ARV1: variants seen among roughly 807,000 people sequenced by gnomAD.
The protein encoded by ARV1 is protein ARV1.
Under a neutral mutation model 31.1 loss-of-function variants are expected in ARV1, and 26 were observed. The observed-to-expected ratio is 0.84, with a 90% confidence interval of 0.61 to 1.16. The LOEUF is 1.16. Among genes scored for constraint, ARV1 ranks in the 50% most tolerant of loss-of-function variants. ARV1 has a pLI of 0.00. For synonymous variants in ARV1, 117 were observed against 123.2 expected (o/e 0.95, Z 0.34); for missense variants, 281 against 324.9 (o/e 0.86, Z 1.04).
At chr1:230,985,499 G>A (rs775275461) in intron 1 of ARV1, among the ~76,000 whole-genome samples, 3 of 152,190 alleles carry the variant, frequency 2.0e-5, no homozygotes, top group Non-Finnish European at 2.9e-5. Flanking sequence ...TGTTATACAT[G>A]TAATAGCCAC....
intron 4 of ARV1, among the ~76,000 whole-genome samples, chr1:230,996,805 C>A (rs1284611440): frequency 2.6e-5 from 4 of 152,170 alleles, no homozygotes; most frequent in Admixed American, 2.6e-4. Flanking sequence ...CAAACTGTGA[C>A]ACTGAAAGTA....
chr1:230,996,046 T>C, intron 4 of ARV1, 62 bp downstream of exon 4: 1 of 1,411,758 alleles, frequency 7.1e-7, no homozygotes, highest in Non-Finnish European at 9.8e-7. Context: ...TAAAGCCTTG[T>C]TTCTGGGGTG....
chr1:230,984,364 G>GCGTGCA (rs1491294415), intron 1 of ARV1, among the ~76,000 whole-genome samples: 5 of 36,330 alleles, frequency 1.4e-4, no homozygotes, highest in Admixed American at 2.6e-4. Flanking sequence ...GTGTGTGTGC[G>GCGTGCA]TGTGTGTGTG....
At chr1:230,996,466 A>C (rs149651234) in intron 4 of ARV1, among the ~76,000 whole-genome samples, 3 of 151,968 alleles carry the variant, frequency 2.0e-5, no homozygotes, top group Non-Finnish European at 4.4e-5. Context: ...TATTTTTTTG[A>C]GATAGGGTGT....
At chr1:230,997,879 C>T (rs376351370) in intron 5 of ARV1, among the ~76,000 whole-genome samples, 3 of 152,304 alleles carry the variant, frequency 2.0e-5, no homozygotes, top group Admixed American at 2.0e-4. Context: ...CACAGAACCT[C>T]AGAAGATGTC....
intron 4 of ARV1, among the ~76,000 whole-genome samples, chr1:230,996,733 C>T (rs1211056322): frequency 6.6e-6 from 1 of 152,078 alleles, no homozygotes; most frequent in African/African-American, 2.4e-5. Flanking sequence ...TGTGCCTGGC[C>T]GAAGTCCTAT....
At chr1:230,984,512 G>C (rs542448552) in intron 1 of ARV1, among the ~76,000 whole-genome samples, 1 of 151,948 alleles carries the variant, frequency 6.6e-6, no homozygotes, top group East Asian at 1.9e-4. Flanking sequence ...GTGTAAACTT[G>C]TTGTGCCCAG....
chr1:230,992,327 G>C (rs1019439454), intron 3 of ARV1, among the ~76,000 whole-genome samples: 2 of 151,954 alleles, frequency 1.3e-5, no homozygotes, highest in Non-Finnish European at 2.9e-5. Flanking sequence ...GGCTCTTCCT[G>C]TGCCCGGAAT....
chr1:230,988,278 G>C, intron 1 of ARV1, 42 bp from the exon 2 acceptor site: 1 of 1,550,436 alleles, frequency 6.4e-7, no homozygotes. Flanking sequence ...ATTTCAGAAA[G>C]TATACATTTG....
At chr1:230,988,262 T>G in intron 1 of ARV1, 58 bp from the exon 2 acceptor site, 1 of 1,499,014 alleles carries the variant, frequency 6.7e-7, no homozygotes, top group South Asian at 1.2e-5. Flanking sequence ...TTTGAAATCC[T>G]TGAGGATTTC....
intron 3 of ARV1, chr1:230,990,664 C>T: frequency 2.8e-6 from 1 of 356,054 alleles, no homozygotes; most frequent in South Asian, 2.1e-5. Context: ...AAGCAATCCT[C>T]CTGCCTCGGC....
chr1:230,979,191 C>T lies in ARV1; in HGVS notation c.86C>T (p.Ser29Phe). The part of the protein sequence containing the change: ...VAATPTAASA[S>F]CQYRCIECNQ... ...GCGACTCCTACTGCTGCCTCGGCCT[C>T]CTGCCAGTACAGGTGCATCGAATGC... Residue 29 changes from serine (S) to phenylalanine (F), a missense_variant, in exon 1 of 6, where the codon TCC becomes TTC. By Grantham distance (155) the Ser-to-Phe change is radical (BLOSUM62 -2). Coordinates refer to ENST00000310256, the MANE Select transcript of ARV1 (RefSeq NM_022786.3). 3.1e-6 allele frequency: 5 copies of T among 1,613,312 alleles called. No individual in the cohort carries two copies. The highest frequency in any genetic ancestry group is 1.1e-5 in the South Asian group (1 of 90,952).
chr1:230,995,723 G>A (rs1679341434), intron 3 of ARV1, 37 bp from the exon 4 acceptor site: 2 of 1,506,688 alleles, frequency 1.3e-6, no homozygotes, highest in African/African-American at 1.4e-5. Flanking sequence ...ATTTTGGATG[G>A]GGACATTCAT....
At chr1:230,998,555 C>G (rs1338600353) in intron 5 of ARV1, among the ~76,000 whole-genome samples, 2 of 152,168 alleles carry the variant, frequency 1.3e-5, no homozygotes, top group East Asian at 1.9e-4. Flanking sequence ...TCTTCACTGC[C>G]TTTCCTCTTT....
chr1:230,995,394 A>G (rs1379617608), intron 3 of ARV1, among the ~76,000 whole-genome samples: 2 of 152,190 alleles, frequency 1.3e-5, no homozygotes, highest in African/African-American at 4.8e-5. Flanking sequence ...TCAGACTGAA[A>G]AGCCTGCATT....
intron 1 of ARV1, among the ~76,000 whole-genome samples, chr1:230,984,368 G>GCA (rs67965034): frequency 2.0e-5 from 2 of 98,256 alleles, no homozygotes; most frequent in South Asian, 3.8e-4. Context: ...GTGTGCGTGT[G>GCA]TGTGTGTGTG....
chr1:230,998,307 TCCTCG>T (rs953739559), intron 5 of ARV1, among the ~76,000 whole-genome samples: 1 of 152,176 alleles, frequency 6.6e-6, no homozygotes, highest in Non-Finnish European at 1.5e-5. Context: ...GGTCTCTCCC[TCCTCG>T]CTGTTACATC....
chr1:230,994,655 C>T lies in ARV1; in HGVS notation c.449-1105C>T, dbSNP rs1470145206. ...CTCCCGGGTTCACGCCATTCTCCTG[C>T]GTCAGCCTCCCGAGTAGCTGGGACT... On this transcript the variant is annotated intron_variant, in intron 3 of 5. Coordinates refer to ENST00000310256, the MANE Select transcript of ARV1 (RefSeq NM_022786.3). Among the ~76,000 whole-genome samples, 4 of 151,918 alleles carry T rather than the reference C, an allele frequency of 2.6e-5. No individual in the cohort carries two copies. In the East Asian group the frequency reaches 7.8e-4, roughly 30 times the overall value.
rs1399088285 is a variant in ARV1 at position 230,997,155 on chromosome 1, G to A, written c.708G>A (p.Leu236=). The A allele has an allele frequency of 6.2e-7, 1 of 1,613,904 alleles. No homozygotes were observed. The highest frequency in any genetic ancestry group is 1.3e-5 in the African/African-American group (1 of 74,892). ...TLNINRKLSF[L]AVLSGLLLES... is the part of the protein sequence containing the mutation. ...ACATCAACCGTAAGCTCTCCTTCTTGGCCGTGTTGAGTGGCTTACTGCTGG... is the reference window on the plus strand; with the variant it reads ...ACATCAACCGTAAGCTCTCCTTCTTAGCCGTGTTGAGTGGCTTACTGCTGG... Residue 236 remains leucine, a synonymous_variant, in exon 5 of 6, where the codon TTG becomes TTA. Coordinates refer to ENST00000310256, the MANE Select transcript of ARV1 (RefSeq NM_022786.3).
Sources: allele counts gnomAD v4.1 joint callset (sites outside exome capture counted in the v4.1 genomes callset), GRCh38; gene constraint gnomAD v4.1.1; transcripts MANE v1.5; gene names NCBI Gene and HGNC (gene_info 2026-07-23, HGNC 2026-07-21).